CSMD1: variants seen among roughly 807,000 people sequenced by gnomAD.
CSMD1 encodes CUB and Sushi multiple domains 1.
In CSMD1, 213 loss-of-function variants were observed where a neutral mutation model predicts 417.5. The observed-to-expected ratio is 0.51, with a 90% CI of 0.46 to 0.57. The LOEUF is 0.57. Among genes scored for constraint, CSMD1 ranks in the 20% least tolerant of loss-of-function variants. The pLI, the probability that CSMD1 is intolerant of heterozygous loss-of-function variation, is 0.00. For missense variants in CSMD1, 6,923 were observed against 4,529.7 expected (o/e 1.53, Z -15.17); for synonymous variants, 2,862 against 1,736.8 (o/e 1.65, Z -16.11).
chr8:4,465,503 T>G (rs1800111600), intron 2 of CSMD1, among the ~76,000 whole-genome samples: 1 of 152,096 alleles, frequency 6.6e-6, no homozygotes, highest in African/African-American at 2.4e-5. Context: ...AAGAGGTGAC[T>G]TAACAGTGGG....
At chr8:4,419,856 C>T (rs148618354) in intron 3 of CSMD1, 97 bp downstream of exon 3, 25 of 840,476 alleles carry the variant, frequency 3.0e-5, no homozygotes, top group African/African-American at 6.7e-5. Flanking sequence ...GAACGACCTG[C>T]GACATAGCAG....
chr8:3,749,026 G>A (rs947848308), intron 6 of CSMD1, among the ~76,000 whole-genome samples: 2 of 152,164 alleles, frequency 1.3e-5, no homozygotes, highest in Non-Finnish European at 2.9e-5. Flanking sequence ...AAACAGCCGG[G>A]TAAAGGTGTG....
intron 54 of CSMD1, among the ~76,000 whole-genome samples, chr8:2,992,022 C>A (rs1006144628): frequency 1.3e-5 from 2 of 152,150 alleles, no homozygotes; most frequent in African/African-American, 2.4e-5. Context: ...ATATGAGAAA[C>A]AACCAGCTTC....
chr8:3,893,451 T>C (rs1359946366), intron 5 of CSMD1, among the ~76,000 whole-genome samples: 1 of 150,234 alleles, frequency 6.7e-6, no homozygotes, highest in African/African-American at 2.4e-5. Context: ...GAGGACAGTA[T>C]GATAGCTTTT....
intron 3 of CSMD1, among the ~76,000 whole-genome samples, chr8:4,270,193 T>G (rs189244091): frequency 1.3e-5 from 2 of 152,112 alleles, no homozygotes; most frequent in East Asian, 3.8e-4. Flanking sequence ...GGAGTTGACA[T>G]AGCCGCGTGT....
At chr8:4,448,892 C>G (rs553201402) in intron 2 of CSMD1, among the ~76,000 whole-genome samples, 1 of 152,206 alleles carries the variant, frequency 6.6e-6, no homozygotes, top group Non-Finnish European at 1.5e-5. Flanking sequence ...AGTAAACACA[C>G]ACATGCACAC....
At chr8:4,270,621 T>G (rs710256) in intron 3 of CSMD1, among the ~76,000 whole-genome samples, 7,528 of 152,228 alleles carry the variant, frequency 0.049, 277 homozygotes, top group South Asian at 0.12. Flanking sequence ...TTGACTCTGA[T>G]AGAATTAAAC....
At chr8:4,547,988 C>T (rs538067927) in intron 2 of CSMD1, among the ~76,000 whole-genome samples, 2 of 152,206 alleles carry the variant, frequency 1.3e-5, no homozygotes, top group Non-Finnish European at 2.9e-5. Context: ...AAATGTAGGC[C>T]AGGCACTCCC....
intron 5 of CSMD1, among the ~76,000 whole-genome samples, chr8:3,803,781 G>A (rs1800584511): frequency 6.6e-6 from 1 of 152,128 alleles, no homozygotes; most frequent in Non-Finnish European, 1.5e-5. Context: ...AGTAACATTT[G>A]GAAAATATCT....
chr8:4,761,195 T>A (rs1248801316), intron 1 of CSMD1, among the ~76,000 whole-genome samples: 1 of 151,992 alleles, frequency 6.6e-6, no homozygotes, highest in Non-Finnish European at 1.5e-5. Context: ...TAGCTGAAGG[T>A]TGGTGTCTAC....
chr8:3,674,826 T>A (rs1799289235), intron 7 of CSMD1, among the ~76,000 whole-genome samples: 1 of 152,174 alleles, frequency 6.6e-6, no homozygotes, highest in Admixed American at 6.5e-5. Context: ...TGCACTGAAG[T>A]TATCAGGGCA....
chr8:4,325,305 A>G (rs929964023), intron 3 of CSMD1, among the ~76,000 whole-genome samples: 1 of 152,156 alleles, frequency 6.6e-6, no homozygotes, highest in Non-Finnish European at 1.5e-5. Flanking sequence ...TTAAATGGCA[A>G]CCTAGCAAGA....
At chr8:4,654,787 G>C (rs537181236) in intron 1 of CSMD1, among the ~76,000 whole-genome samples, 1 of 152,098 alleles carries the variant, frequency 6.6e-6, no homozygotes, top group South Asian at 2.1e-4. Flanking sequence ...TACACAGGCA[G>C]ACAACTTTGG....
intron 2 of CSMD1, among the ~76,000 whole-genome samples, chr8:4,458,586 C>G (rs1799624567): frequency 6.6e-6 from 1 of 151,340 alleles, no homozygotes; most frequent in African/African-American, 2.4e-5. Context: ...ACAGTAAATA[C>G]AAGGAAAAAA....
chr8:3,727,996 T>G (rs1301305508), intron 6 of CSMD1, among the ~76,000 whole-genome samples: 2 of 152,126 alleles, frequency 1.3e-5, no homozygotes, highest in Non-Finnish European at 2.9e-5. Flanking sequence ...AAATGCATGG[T>G]GGTGGAGGCT....
At chr8:3,213,677 ATGTG>A (rs138554940) in intron 30 of CSMD1, among the ~76,000 whole-genome samples, 15,518 of 150,912 alleles carry the variant, frequency 0.1, 1,977 homozygotes, top group African/African-American at 0.29. Context: ...GTAAATATAT[ATGTG>A]TGTGTGTATG....
chr8:4,188,090 G>T (rs892792911), intron 3 of CSMD1, among the ~76,000 whole-genome samples: 2 of 152,006 alleles, frequency 1.3e-5, no homozygotes, highest in African/African-American at 4.8e-5. Flanking sequence ...GTGACTGCTG[G>T]CAGGATGCAC....
At chr8:4,829,145 A>T (rs911815092) in intron 1 of CSMD1, among the ~76,000 whole-genome samples, 1 of 152,192 alleles carries the variant, frequency 6.6e-6, no homozygotes, top group Non-Finnish European at 1.5e-5. Context: ...TTTATGATTG[A>T]TCCTGCCTGT....
chr8:4,846,024 T>C (rs943891659), intron 1 of CSMD1, among the ~76,000 whole-genome samples: 5 of 152,200 alleles, frequency 3.3e-5, no homozygotes, highest in East Asian at 1.9e-4. Flanking sequence ...CTCACTTCTT[T>C]GTTTTTCCAG....
Sources: allele counts gnomAD v4.1 joint callset (sites outside exome capture counted in the v4.1 genomes callset), GRCh38; gene constraint gnomAD v4.1.1; transcripts MANE v1.5; gene names NCBI Gene and HGNC (gene_info 2026-07-23, HGNC 2026-07-21).